Variants in DCAF6 observed in about 807,000 individuals in gnomAD.
DCAF6 encodes the protein DDB1 and CUL4 associated factor 6, also known as DDB1- and CUL4-associated factor 6.
In DCAF6, 54 loss-of-function variants were observed where a neutral mutation model predicts 125.1. The ratio of observed to expected loss-of-function variants is 0.43; its 90% confidence interval spans 0.35 to 0.54. The LOEUF is 0.54. Among genes scored for constraint, DCAF6 ranks in the 20% least tolerant of loss-of-function variants. The pLI, the probability that DCAF6 is intolerant of heterozygous loss-of-function variation, is 0.01. For synonymous variants in DCAF6, 371 were observed against 390.4 expected, an observed-to-expected ratio of 0.95 and a Z score of 0.58; for missense variants, 934 against 1,161.7, an observed-to-expected ratio of 0.80 and a Z score of 2.85.
At chr1:168,046,041 C>T (rs1191224630) in intron 16 of DCAF6, among the ~76,000 whole-genome samples, 1 of 151,258 alleles carries the variant, frequency 6.6e-6, no homozygotes, top group Non-Finnish European at 1.5e-5. Flanking sequence ...TATAAGATAC[C>T]CTAAAGTATC....
intron 21 of DCAF6, among the ~76,000 whole-genome samples, chr1:168,072,297 A>T (rs1467846207): frequency 0.013 from 557 of 43,166 alleles, 10 homozygotes; most frequent in African/African-American, 0.06. Context: ...ATCAGTCTAA[A>T]AAAAAAAAAA....
chr1:168,000,722 C>CT (rs1163678554), intron 7 of DCAF6, among the ~76,000 whole-genome samples: 2 of 151,948 alleles, frequency 1.3e-5, no homozygotes, highest in Non-Finnish European at 2.9e-5. Context: ...AAACATAATA[C>CT]TAAGTGAAAG....
Position 168,022,969 on chromosome 1 carries a change from A to C in DCAF6, c.1550-19A>C, listed in dbSNP as rs1278093643. The C allele has an allele frequency of 6.2e-7, 1 of 1,613,018 alleles. No individual in the cohort carries two copies. On this transcript the variant is annotated intron_variant, in intron 11 of 21. Transcript: ENST00000367840. ...TTTCTGCTGCTTACTTTTAAGTTGA[A>C]ATCTCATTTTTGTTTCAGATTCTCC...
At chr1:167,997,153 G>T (rs1681843064) in intron 7 of DCAF6, among the ~76,000 whole-genome samples, 1 of 152,056 alleles carries the variant, frequency 6.6e-6, no homozygotes, top group South Asian at 2.1e-4. Context: ...CAGTATTCTT[G>T]CCTAGGTTAT....
chr1:168,072,295 A>T (rs435486), intron 21 of DCAF6, among the ~76,000 whole-genome samples: 368 of 5,020 alleles, frequency 0.073, 5 homozygotes, highest in African/African-American at 0.15. Context: ...GAATCAGTCT[A>T]AAAAAAAAAA....
intron 14 of DCAF6, 137 bp downstream of exon 14, chr1:168,043,277 T>C: frequency 1.5e-6 from 1 of 658,682 alleles, no homozygotes; most frequent in East Asian, 2.8e-5. Flanking sequence ...GCTGTTAAAC[T>C]GATAGATAGC....
the DCAF6 span, among the ~76,000 whole-genome samples, chr1:167,893,352 T>C: frequency 4.6e-5 from 7 of 152,226 alleles, no homozygotes; most frequent in African/African-American, 2.4e-5. Context: ...ATTATAATTA[T>C]GAATAATGAT....
intron 2 of DCAF6, among the ~76,000 whole-genome samples, chr1:167,960,131 C>G (rs1034416911): frequency 3.3e-5 from 5 of 151,920 alleles, no homozygotes; most frequent in African/African-American, 9.7e-5. Context: ...AAAAGACTAT[C>G]TGCATTGTAT....
At chr1:167,994,764 G>T (rs1421355670) in intron 7 of DCAF6, among the ~76,000 whole-genome samples, 1 of 151,980 alleles carries the variant, frequency 6.6e-6, no homozygotes, top group African/African-American at 2.4e-5. Flanking sequence ...AATGTCCTGT[G>T]TTATTCACTT....
In DCAF6 at chr1:168,023,357, G is replaced by A. The variant is rs16859999; in HGVS notation, c.1609+310G>A. On this transcript the variant is annotated intron_variant, in intron 12 of 21. Transcript: ENST00000367840. ...AATTCTAGGTATCTGTCATAAAATT[G>A]TGTAGAACTGTGGGTGTGAGGTTAA... is the stretch of plus-strand genomic sequence containing the variant. The A allele has an allele frequency of 7.6e-3, 3,193 of 421,912 alleles. 74 individuals are homozygous for A. The highest frequency in any genetic ancestry group is 0.057 in the African/African-American group (2,924 of 51,186). The allele number at this position is 421,912 out of a possible 1,614,324, so 26.1% of individuals were successfully genotyped here. A position where few individuals can be genotyped will look rare whatever the true frequency, so the allele number is the denominator to read the frequency against.
At chr1:167,867,903 T>C in the DCAF6 span, among the ~76,000 whole-genome samples, 1 of 152,194 alleles carries the variant, frequency 6.6e-6, no homozygotes, top group Admixed American at 6.5e-5. Context: ...AAAAAGACCC[T>C]GTTTAGCTCC....
intron 12 of DCAF6, among the ~76,000 whole-genome samples, chr1:168,035,221 G>A (rs567035017): frequency 3.9e-5 from 6 of 152,194 alleles, no homozygotes; most frequent in African/African-American, 7.2e-5. Context: ...CAAGGCAGAC[G>A]GATTGCTTGA....
chr1:167,896,783 T>C, the DCAF6 span: 3 of 887,712 alleles, frequency 3.4e-6, no homozygotes, highest in Middle Eastern at 3.4e-4. Context: ...AGTATGCTTT[T>C]GACTGAACAG....
At chr1:168,022,940 C>T (rs1557990838) in intron 11 of DCAF6, 48 bp from the exon 12 acceptor site, 2 of 1,524,252 alleles carry the variant, frequency 1.3e-6, no homozygotes, top group Non-Finnish European at 1.8e-6. Flanking sequence ...CATTGCTGTG[C>T]AGTTTTCTGC....
Position 168,068,375 on chromosome 1 carries a change from A to C in DCAF6, c.2703A>C (p.Glu901Asp). 1 of 1,604,388 alleles carries C rather than the reference A, an allele frequency of 6.2e-7. No homozygotes were observed. The change falls in exon 21 of 22, where the codon GAA becomes GAC. Residue 901 changes from glutamate to aspartate, a missense_variant. By Grantham distance (45) the Glu-to-Asp change is conservative. Transcript: ENST00000367840. The part of the protein sequence containing the change: ...KLADEVITRN[E>D]LMLEETRNTI... ...CCTTGTAGGTTATAACTCGAAACGA[A>C]CTCATGCTGGAAGAAACTAGAAACA... is the stretch of plus-strand genomic sequence containing the variant.
At chr1:167,935,064 A>T (rs367941513), upstream of DCAF6, among the ~76,000 whole-genome samples, 117 of 152,316 alleles carry the variant, frequency 7.7e-4, 1 homozygote, top group South Asian at 0.022. Flanking sequence ...ACACAAACAG[A>T]GATCTAGGCT....
At chr1:167,886,390 A>C in the DCAF6 span, among the ~76,000 whole-genome samples, 1 of 152,162 alleles carries the variant, frequency 6.6e-6, no homozygotes, top group East Asian at 1.9e-4. Flanking sequence ...CAGAAATAAT[A>C]CCACACATCT....
At chr1:167,951,346 G>C (rs1484910069) in intron 1 of DCAF6, among the ~76,000 whole-genome samples, 3 of 152,146 alleles carry the variant, frequency 2.0e-5, no homozygotes, top group African/African-American at 7.2e-5. Context: ...AGGCCAATGC[G>C]GGTGGATCAG....
chr1:167,864,279 TACTAGAA>T, the DCAF6 span, among the ~76,000 whole-genome samples: 1 of 152,200 alleles, frequency 6.6e-6, no homozygotes, highest in Admixed American at 6.5e-5. Context: ...AAGCCCACCC[TACTAGAA>T]ACTATGTTGA....
Sources: gnomAD v4.1 joint callset for allele counts (sites outside exome capture counted in the v4.1 genomes callset) on GRCh38, gnomAD v4.1.1 for gene constraint, MANE v1.5 for transcripts, NCBI Gene and HGNC (gene_info 2026-07-23, HGNC 2026-07-21) for gene names.